Variants in BACH2 observed in about 807,000 individuals in gnomAD.
BACH2 encodes the protein BACH transcriptional regulator 2.
BACH2 carries 5 observed loss-of-function variants against 61.8 expected under a neutral mutation model. The ratio of observed to expected loss-of-function variants is 0.08; its 90% CI spans 0.04 to 0.17. BACH2 has a LOEUF of 0.17. BACH2 is among the 10% of genes least tolerant of loss of function. The pLI is 1.00. For synonymous variants in BACH2, 446 were observed against 440.1 expected, an observed-to-expected ratio of 1.01 and a Z score of -0.17; for missense variants, 824 against 1,091.1, an observed-to-expected ratio of 0.76 and a Z score of 3.45.
chr6:90,107,956 G>C (rs1443875274), intron 4 of BACH2, among the ~76,000 whole-genome samples: 1 of 152,060 alleles, frequency 6.6e-6, no homozygotes, highest in African/African-American at 2.4e-5. Context: ...GTCAAATCCT[G>C]CTTGGTAAAT....
In BACH2 at chr6:89,929,947, C is replaced by G. The variant is rs577972017; in HGVS notation, c.*2461G>C. 1 of 152,242 alleles carries G rather than the reference C, an allele frequency of 6.6e-6. No homozygotes were observed. The highest frequency in any genetic ancestry group is 2.1e-4 in the South Asian group (1 of 4,826). The allele number at this position is 152,242 out of a possible 1,614,324, so 9.4% of individuals were successfully genotyped here. ...CTGACTCCACTGTAACACACGCCTG[C>G]GAAGTATCACGTGATTCACATTGAG... On this transcript the variant is annotated 3_prime_UTR_variant, in exon 9 of 9. Coordinates refer to ENST00000257749, the MANE Select transcript of BACH2 (RefSeq NM_021813.4).
chr6:90,221,585 C>T (rs1476388284), intron 3 of BACH2, among the ~76,000 whole-genome samples: 1 of 152,100 alleles, frequency 6.6e-6, no homozygotes, highest in Non-Finnish European at 1.5e-5. Context: ...TAAGACGACA[C>T]CTAATGGCAG....
In BACH2 at chr6:90,187,233, T is replaced by C. The variant is rs886790068; in HGVS notation, c.-162+19336A>G. On this transcript the variant is annotated intron_variant, in intron 4 of 8. Transcript: ENST00000257749. Reference sequence around the variant, plus strand: ...GAGGCAAAATGTACCGAATATTCTATTGCACAACAGAATCTATCTGTGGAA... The same window carrying C: ...GAGGCAAAATGTACCGAATATTCTACTGCACAACAGAATCTATCTGTGGAA... Among the ~76,000 whole-genome samples, 6 of 152,288 alleles carry C rather than the reference T, an allele frequency of 3.9e-5. No individual in the cohort carries two copies. In the East Asian group the frequency reaches 7.7e-4, roughly 20 times the overall value.
intron 4 of BACH2, among the ~76,000 whole-genome samples, chr6:90,154,048 A>C (rs1784910347): frequency 6.6e-6 from 1 of 152,148 alleles, no homozygotes; most frequent in South Asian, 2.1e-4. Context: ...TCCAATCTCT[A>C]TCTCTTTTAA....
At chr6:90,155,792 T>C (rs56301136) in intron 4 of BACH2, among the ~76,000 whole-genome samples, 8 of 152,298 alleles carry the variant, frequency 5.3e-5, no homozygotes, top group Admixed American at 1.3e-4. Context: ...TCCAATAGAA[T>C]AGAAGCTCTA....
chr6:90,026,389 C>T (rs1232198817), intron 5 of BACH2, among the ~76,000 whole-genome samples: 2 of 152,164 alleles, frequency 1.3e-5, no homozygotes, highest in Admixed American at 1.3e-4. Flanking sequence ...GTTTGCCCAC[C>T]AGGTCAGTGA....
intron 6 of BACH2, among the ~76,000 whole-genome samples, chr6:89,979,072 T>C (rs540020356): frequency 6.6e-6 from 1 of 152,332 alleles, no homozygotes; most frequent in South Asian, 2.1e-4. Flanking sequence ...TGGAAGCAGA[T>C]GGGTTCCTTA....
At chr6:90,166,787 T>C (rs1010476818) in intron 4 of BACH2, among the ~76,000 whole-genome samples, 1 of 151,632 alleles carries the variant, frequency 6.6e-6, no homozygotes, top group Admixed American at 6.6e-5. Flanking sequence ...ACCATCATTC[T>C]CAGCAAACTA....
At chr6:90,173,195 C>T (rs768934900) in intron 4 of BACH2, among the ~76,000 whole-genome samples, 8 of 150,842 alleles carry the variant, frequency 5.3e-5, no homozygotes, top group Non-Finnish European at 8.9e-5. Flanking sequence ...GGACAAATAG[C>T]AAAAAATAAT....
chr6:90,244,280 G>C (rs1268190103), intron 3 of BACH2, among the ~76,000 whole-genome samples: 1 of 152,190 alleles, frequency 6.6e-6, no homozygotes, highest in African/African-American at 2.4e-5. Flanking sequence ...TACAGTAATA[G>C]CTAACATTTA....
chr6:90,149,675 T>A (rs1173722172), intron 4 of BACH2, among the ~76,000 whole-genome samples: 1 of 152,152 alleles, frequency 6.6e-6, no homozygotes, highest in African/African-American at 2.4e-5. Flanking sequence ...GGAAGAGTGG[T>A]ATTACAAAAA....
chr6:90,053,683 T>G (rs958725995), intron 5 of BACH2, among the ~76,000 whole-genome samples: 8 of 152,226 alleles, frequency 5.3e-5, no homozygotes, highest in Non-Finnish European at 1.2e-4. Context: ...TTGAAGGTTA[T>G]TTTTGCTGAA....
At chr6:90,105,920 A>G (rs1222169455) in intron 4 of BACH2, among the ~76,000 whole-genome samples, 1 of 152,186 alleles carries the variant, frequency 6.6e-6, no homozygotes, top group African/African-American at 2.4e-5. Flanking sequence ...GATTGCACCA[A>G]CAGTTTTCTT....
intron 5 of BACH2, among the ~76,000 whole-genome samples, chr6:90,024,813 T>C (rs1372791923): frequency 6.6e-6 from 1 of 152,148 alleles, no homozygotes; most frequent in East Asian, 1.9e-4. Flanking sequence ...ACCCAAAGGA[T>C]GAATCAAAGG....
At chr6:90,020,777 A>G (rs2127784814) in intron 5 of BACH2, among the ~76,000 whole-genome samples, 2 of 152,114 alleles carry the variant, frequency 1.3e-5, no homozygotes, top group South Asian at 4.2e-4. Context: ...ATTAAACAAC[A>G]TTCCCCTCCG....
Position 90,008,968 on chromosome 6 carries a change from C to A in BACH2, c.-12-112G>T. ...CATCATGGTTCCTGTGTCCCACTGC[C>A]ATGAGCATGGCAGGAAGGAGGGGAA... On this transcript the variant is annotated intron_variant, in intron 5 of 8. Coordinates refer to ENST00000257749, the MANE Select transcript of BACH2 (RefSeq NM_021813.4). The surrounding 1 kb of genome is among the most constrained non-coding windows in gnomAD (Gnocchi z 4.1). 7 of 1,307,982 alleles carry A rather than the reference C, an allele frequency of 5.4e-6. No homozygotes were observed. Among genetic ancestry groups the A allele is most frequent in the Non-Finnish European group, 7.3e-6 (7 of 964,914 alleles). The allele number at this position is 1,307,982 out of a possible 1,614,324, so 81.0% of individuals were successfully genotyped here. A position where few individuals can be genotyped will look rare whatever the true frequency, so the allele number is the denominator to read the frequency against.
chr6:90,105,602 T>A lies in BACH2; in HGVS notation c.-161-16493A>T, dbSNP rs9451357. Among the ~76,000 whole-genome samples, 229 of 152,328 alleles carry A rather than the reference T, an allele frequency of 1.5e-3. 2 individuals are homozygous for A. The highest frequency in any genetic ancestry group is 5.3e-3 in the African/African-American group (219 of 41,566). ...TAAGACATAATTAAGTAGCTGTATA[T>A]CAAATGCATAAATATGATTCTTTTT... On this transcript the variant is annotated intron_variant, in intron 4 of 8. Coordinates refer to ENST00000257749, the MANE Select transcript of BACH2 (RefSeq NM_021813.4).
intron 2 of BACH2, among the ~76,000 whole-genome samples, chr6:90,266,214 C>A: frequency 6.6e-6 from 1 of 152,136 alleles, no homozygotes; most frequent in East Asian, 1.9e-4. Flanking sequence ...GATGTAAATT[C>A]CTTTTTAAAT....
At chr6:90,207,552 T>C (rs1034741670) in intron 3 of BACH2, among the ~76,000 whole-genome samples, 6 of 152,232 alleles carry the variant, frequency 3.9e-5, no homozygotes, top group East Asian at 1.9e-4. Context: ...GTAAGGTTCC[T>C]GATACTCAAT....
Sources: gnomAD v4.1 joint callset for allele counts (sites outside exome capture counted in the v4.1 genomes callset) on GRCh38, gnomAD v4.1.1 for gene constraint, Gnocchi (gnomAD v3.1) non-coding constraint, MANE v1.5 for transcripts, NCBI Gene and HGNC (gene_info 2026-07-23, HGNC 2026-07-21) for gene names.